Variants in MTMR7 observed in about 807,000 individuals in gnomAD.
MTMR7 encodes the protein phosphatidylinositol-3-phosphate phosphatase MTMR7.
MTMR7 carries 76 observed loss-of-function variants against 81.2 expected under a neutral mutation model. The ratio of observed to expected loss-of-function variants is 0.94; its 90% confidence interval spans 0.78 to 1.13. The LOEUF is 1.13. Ranked by LOEUF, MTMR7 falls within the 50% of genes most tolerant of loss-of-function variation. The pLI, the probability that MTMR7 is intolerant of heterozygous loss-of-function variation, is 0.00. For synonymous variants in MTMR7, 372 were observed against 289.8 expected (o/e 1.28, Z -2.88); for missense variants, 1,044 against 820.0 (o/e 1.27, Z -3.34).
intron 1 of MTMR7, among the ~76,000 whole-genome samples, chr8:17,381,226 C>A (rs1163179362): frequency 6.6e-6 from 1 of 152,030 alleles, no homozygotes; most frequent in East Asian, 1.9e-4. Flanking sequence ...AGGGTTTCAT[C>A]ATCTTTTCTA....
At chr8:17,357,001 T>C (rs1819913142) in intron 4 of MTMR7, among the ~76,000 whole-genome samples, 1 of 151,928 alleles carries the variant, frequency 6.6e-6, no homozygotes, top group South Asian at 2.1e-4. Context: ...AAACACAATA[T>C]ACTACAAGAC....
At chr8:17,361,462 G>T (rs1314924356) in intron 3 of MTMR7, among the ~76,000 whole-genome samples, 188 bp from the exon 4 acceptor site, 1 of 152,160 alleles carries the variant, frequency 6.6e-6, no homozygotes, top group Non-Finnish European at 1.5e-5. Flanking sequence ...ATGACAAGAT[G>T]ACCTTGGGGT....
rs1019877220 is a variant in MTMR7 at position 17,391,032 on chromosome 8, C to G, written c.25-17792G>C. On this transcript the variant is annotated intron_variant, in intron 1 of 13. Coordinates refer to ENST00000180173, the MANE Select transcript of MTMR7 (RefSeq NM_004686.5). ...TAGAGAACCAGAATGAGTGAGAAAG[C>G]CAGCCATGGGGGTATCTGGGGAGAG... Among the ~76,000 whole-genome samples the G allele has an allele frequency of 5.9e-5, 9 of 152,162 alleles. No homozygotes were observed. The East Asian group carries it at 1.5e-3, about 26-fold the overall frequency.
At chr8:17,393,562 G>A (rs1821163584) in intron 1 of MTMR7, among the ~76,000 whole-genome samples, 1 of 152,116 alleles carries the variant, frequency 6.6e-6, no homozygotes, top group East Asian at 1.9e-4. Context: ...ACAAACAGGA[G>A]CTAGAAGCTG....
In MTMR7 at chr8:17,305,988, G is replaced by A. The variant is rs140708827; in HGVS notation, c.1152-31C>T. On this transcript the variant is annotated intron_variant, in intron 10 of 13. Transcript: ENST00000180173. The stretch of plus-strand genomic sequence containing the variant: ...AAACAAAGCATTAGAGACTTTTTAA[G>A]GCAGATTTATTTTTAAAGTACAAAG... 2.9e-4 allele frequency: 445 copies of A among 1,541,464 alleles called. 2 individuals are homozygous for A. The African/African-American group carries it at 5.6e-3, about 19-fold the overall frequency.
intron 1 of MTMR7, among the ~76,000 whole-genome samples, chr8:17,380,884 C>A (rs917434859): frequency 2.0e-5 from 3 of 152,260 alleles, no homozygotes; most frequent in East Asian, 3.9e-4. Flanking sequence ...ACTATATTCA[C>A]AAACCACTAT....
At chr8:17,313,990 C>T (rs1368927862) in intron 7 of MTMR7, among the ~76,000 whole-genome samples, 1 of 152,196 alleles carries the variant, frequency 6.6e-6, no homozygotes, top group Admixed American at 6.5e-5. Flanking sequence ...TCTAGAGCAT[C>T]AGGGTAGAGG....
rs958664742 is a variant in MTMR7 at position 17,346,370 on chromosome 8, T to G, written c.597+2583A>C. Among the ~76,000 whole-genome samples the G allele has an allele frequency of 3.3e-5, 5 of 152,124 alleles. No individual in the cohort carries two copies. The South Asian group carries it at 8.3e-4, about 25-fold the overall frequency. On this transcript the variant is annotated intron_variant, in intron 5 of 13. Transcript: ENST00000180173. Reference sequence around the variant, plus strand: ...TCGAGACACATCTCTGTTCTGTACCTTGGAAGAAGAGCTAGAGCTTCAGGT... The same window carrying G: ...TCGAGACACATCTCTGTTCTGTACCGTGGAAGAAGAGCTAGAGCTTCAGGT...
intron 1 of MTMR7, 44 bp downstream of exon 1, chr8:17,413,225 C>G (rs774550886): frequency 9.3e-5 from 143 of 1,543,644 alleles, no homozygotes; most frequent in Non-Finnish European, 1.2e-4. Context: ...TCCTCCTCCC[C>G]CATCTCCTCC....
chr8:17,342,247 T>C (rs1055150286), intron 5 of MTMR7, among the ~76,000 whole-genome samples: 7 of 152,214 alleles, frequency 4.6e-5, no homozygotes, highest in Non-Finnish European at 8.8e-5. Context: ...GCTATAAAAC[T>C]TCGGCTTTTG....
At chr8:17,353,486 T>C (rs915278118) in intron 4 of MTMR7, among the ~76,000 whole-genome samples, 11 of 152,234 alleles carry the variant, frequency 7.2e-5, no homozygotes, top group Admixed American at 1.3e-4. Context: ...AATCTTAGCA[T>C]TGACTGCTGC....
chr8:17,375,880 T>C (rs1820570956), intron 1 of MTMR7, among the ~76,000 whole-genome samples: 1 of 152,236 alleles, frequency 6.6e-6, no homozygotes, highest in Non-Finnish European at 1.5e-5. Flanking sequence ...GCATTGTTTT[T>C]CCTTTGTTGA....
chr8:17,331,287 A>C lies in MTMR7; in HGVS notation c.733-5T>G. Reference sequence around the variant, plus strand: ...ACGATTTGCCATTGCATTAAGCTGCAGTGGTCAGCAAAACAGAACAGTCAT... The same window carrying C: ...ACGATTTGCCATTGCATTAAGCTGCCGTGGTCAGCAAAACAGAACAGTCAT... On this transcript the variant is annotated splice_polypyrimidine_tract_variant and splice_region_variant and intron_variant, in intron 6 of 13. Coordinates refer to ENST00000180173, the MANE Select transcript of MTMR7 (RefSeq NM_004686.5). 6.3e-7 allele frequency: 1 copy of C among 1,589,652 alleles called. No individual in the cohort carries two copies. The highest frequency in any genetic ancestry group is 1.4e-5 in the African/African-American group (1 of 73,826).
At chr8:17,362,641 T>A (rs1456480170) in intron 3 of MTMR7, among the ~76,000 whole-genome samples, 2 of 152,162 alleles carry the variant, frequency 1.3e-5, no homozygotes, top group African/African-American at 4.8e-5. Flanking sequence ...CGCAGATCCT[T>A]CTCTCTTCTT....
intron 6 of MTMR7, among the ~76,000 whole-genome samples, chr8:17,341,114 T>G (rs1242457992): frequency 2.0e-5 from 3 of 152,182 alleles, no homozygotes; most frequent in Non-Finnish European, 2.9e-5. Flanking sequence ...TTCATTTGGG[T>G]GCCCCTGTGT....
chr8:17,306,069 T>C (rs1401767873), intron 10 of MTMR7, 112 bp from the exon 11 acceptor site: 1 of 841,000 alleles, frequency 1.2e-6, no homozygotes, highest in Non-Finnish European at 1.8e-6. Context: ...AAATCTTATC[T>C]TACAAACTTG....
At chr8:17,391,963 AG>A (rs1360626738) in intron 1 of MTMR7, among the ~76,000 whole-genome samples, 1 of 152,124 alleles carries the variant, frequency 6.6e-6, no homozygotes, top group Non-Finnish European at 1.5e-5. Flanking sequence ...ACCAGGGGAA[AG>A]GGCACTAGGA....
chr8:17,389,314 C>T (rs6587041), intron 1 of MTMR7, among the ~76,000 whole-genome samples: 1 of 152,058 alleles, frequency 6.6e-6, no homozygotes, highest in African/African-American at 2.4e-5. Flanking sequence ...ACCATTACCA[C>T]AATCATATTC....
chr8:17,365,723 A>G (rs61609886), intron 3 of MTMR7, among the ~76,000 whole-genome samples: 10,901 of 152,270 alleles, frequency 0.072, 710 homozygotes, highest in East Asian at 0.32. Flanking sequence ...AAACATTCAG[A>G]AAAAGTTAAG....
Sources: allele counts gnomAD v4.1 joint callset (sites outside exome capture counted in the v4.1 genomes callset), GRCh38; gene constraint gnomAD v4.1.1; transcripts MANE v1.5; gene names NCBI Gene and HGNC (gene_info 2026-07-23, HGNC 2026-07-21).